GNG7: variants seen among roughly 807,000 people sequenced by gnomAD.
The protein encoded by GNG7 is G protein subunit gamma 7, also known as guanine nucleotide-binding protein G(I)/G(S)/G(O) subunit gamma-7.
GNG7 carries 1 observed loss-of-function variant against 4.0 expected under a neutral mutation model. The observed-to-expected ratio is 0.25, with a 90% CI of 0.09 to 1.18. The LOEUF (loss-of-function observed/expected upper bound fraction) is 1.18, where lower values mean the gene tolerates loss of function less well. Among genes scored for constraint, GNG7 ranks in the 50% most tolerant of loss-of-function variants. GNG7 has a pLI of 0.50. For missense variants in GNG7, 86 were observed against 91.9 expected (o/e 0.94, Z 0.26); for synonymous variants, 34 against 36.9 (o/e 0.92, Z 0.29).
chr19:2,516,347 C>G (rs1972734840), intron 4 of GNG7, among the ~76,000 whole-genome samples: 1 of 152,006 alleles, frequency 6.6e-6, no homozygotes, highest in Non-Finnish European at 1.5e-5. Flanking sequence ...GCCTCAGCCT[C>G]CTGAGTAGCT....
chr19:2,580,480 G>A lies in GNG7; in HGVS notation c.-77-25292C>T, dbSNP rs527874129. 3.2e-3 allele frequency among the ~76,000 whole-genome samples: 476 copies of A among 150,748 alleles called. 1 individual carries two copies. Among genetic ancestry groups the A allele is most frequent in the Admixed American group, 4.1e-3 (62 of 15,146 alleles). ...TAATTTTTGTATTTTTAGTAGAGAC[G>A]AGGTTTTGCCATGTTAGCCAGGCTG... On this transcript the variant is annotated intron_variant, in intron 2 of 4. Transcript: ENST00000382159.
At chr19:2,575,920 GAC>G (rs1244747128) in intron 2 of GNG7, among the ~76,000 whole-genome samples, 7 of 139,042 alleles carry the variant, frequency 5.0e-5, no homozygotes, top group Non-Finnish European at 7.6e-5. Context: ...GGCATACACA[GAC>G]ACACAGGCAC....
At chr19:2,543,871 A>C (rs1406472153) in intron 3 of GNG7, among the ~76,000 whole-genome samples, 1 of 152,188 alleles carries the variant, frequency 6.6e-6, no homozygotes, top group Non-Finnish European at 1.5e-5. Flanking sequence ...GCCGGCCTGC[A>C]GCAGCAACGT....
chr19:2,701,753 C>T (rs1913405496), intron 1 of GNG7, among the ~76,000 whole-genome samples: 1 of 151,464 alleles, frequency 6.6e-6, no homozygotes, highest in Non-Finnish European at 1.5e-5. Context: ...CTCCCAGCTC[C>T]CTCTTCAAAG....
chr19:2,543,015 T>A (rs547044135), intron 3 of GNG7, among the ~76,000 whole-genome samples: 1 of 147,774 alleles, frequency 6.8e-6, no homozygotes, highest in South Asian at 2.2e-4. Context: ...CAGGTTCAAG[T>A]GATTCTCCTG....
At chr19:2,548,380 C>G (rs1049256073) in intron 3 of GNG7, among the ~76,000 whole-genome samples, 2 of 148,790 alleles carry the variant, frequency 1.3e-5, no homozygotes, top group Non-Finnish European at 3.0e-5. Flanking sequence ...ACTCGGGAGG[C>G]TAAGGCAGGA....
intron 1 of GNG7, among the ~76,000 whole-genome samples, chr19:2,698,012 A>G (rs907821663): frequency 1.3e-5 from 2 of 151,910 alleles, no homozygotes; most frequent in South Asian, 4.2e-4. Context: ...CATGCTTATA[A>G]TCCCAGCACT....
chr19:2,563,281 C>G (rs1468837237), intron 2 of GNG7, among the ~76,000 whole-genome samples: 2 of 152,006 alleles, frequency 1.3e-5, no homozygotes, highest in African/African-American at 4.8e-5. Flanking sequence ...CAGGTCTCTC[C>G]CGTTCTGTAC....
rs964140958 is a variant in GNG7, at chr19:2,546,439, C to T, written c.-38+8710G>A. ...GGGCCGTGGGGCCCAGGGCTGCGGG[C>T]GGGAGGGCCTCTGCCACATGGAAGG... On this transcript the variant is annotated intron_variant, in intron 3 of 4. Coordinates refer to ENST00000382159, the MANE Select transcript of GNG7 (RefSeq NM_052847.3). This position sits in a 1 kb window ranked among gnomAD's most constrained non-coding sequence, Gnocchi z 6.3. Among the ~76,000 whole-genome samples the T allele has an allele frequency of 3.3e-5, 5 of 152,198 alleles. No homozygotes were observed. The highest frequency in any genetic ancestry group is 4.4e-5 in the Non-Finnish European group (3 of 68,022).
chr19:2,698,635 G>T (rs987699876), intron 1 of GNG7, among the ~76,000 whole-genome samples: 1 of 151,896 alleles, frequency 6.6e-6, no homozygotes, highest in Non-Finnish European at 1.5e-5. Flanking sequence ...GACCAGGCAC[G>T]ACCTTCCTGT....
intron 3 of GNG7, among the ~76,000 whole-genome samples, chr19:2,536,956 T>A (rs1486731697): frequency 6.6e-6 from 1 of 150,942 alleles, no homozygotes; most frequent in African/African-American, 2.4e-5. Context: ...ATTTTTATTT[T>A]TTTTTTTTGA....
At chr19:2,670,027 A>G (rs1420593202) in intron 1 of GNG7, among the ~76,000 whole-genome samples, 9 of 150,992 alleles carry the variant, frequency 6.0e-5, no homozygotes. Context: ...AAAAAAAAAG[A>G]AAGAAAAAGA....
intron 1 of GNG7, among the ~76,000 whole-genome samples, chr19:2,695,297 G>A (rs903850382): frequency 6.6e-6 from 1 of 151,532 alleles, no homozygotes; most frequent in African/African-American, 2.4e-5. Context: ...CCCCCTGGAC[G>A]ACTTCTTATC....
intron 2 of GNG7, among the ~76,000 whole-genome samples, chr19:2,573,188 A>G (rs1019941939): frequency 1.3e-5 from 2 of 149,896 alleles, no homozygotes; most frequent in African/African-American, 4.9e-5. Flanking sequence ...CACCCGGCTA[A>G]TTTTTTGTAT....
intron 2 of GNG7, among the ~76,000 whole-genome samples, chr19:2,583,485 C>T (rs1469272249): frequency 5.9e-5 from 9 of 152,170 alleles, no homozygotes; most frequent in Admixed American, 3.9e-4. Context: ...CAGCTTTGCC[C>T]GCCCCAGCCC....
At chr19:2,565,460 C>T (rs964146840) in intron 2 of GNG7, among the ~76,000 whole-genome samples, 5 of 150,414 alleles carry the variant, frequency 3.3e-5, no homozygotes, top group African/African-American at 4.9e-5. Context: ...TGCAGTGAGC[C>T]GAGATCGTGC....
At chr19:2,550,591 G>GACCCA in intron 3 of GNG7, among the ~76,000 whole-genome samples, 1 of 152,282 alleles carries the variant, frequency 6.6e-6, no homozygotes, top group Non-Finnish European at 1.5e-5. Context: ...GAGTGACCAT[G>GACCCA]GCCCTGCTGG....
chr19:2,538,650 G>A (rs777597791), intron 3 of GNG7: 31 of 445,554 alleles, frequency 7.0e-5, no homozygotes, highest in Non-Finnish European at 1.3e-4. Context: ...ACAATAGAAA[G>A]GCATGCATAT....
At chr19:2,598,181 G>A (rs990049301) in intron 2 of GNG7, among the ~76,000 whole-genome samples, 2 of 152,246 alleles carry the variant, frequency 1.3e-5, no homozygotes, top group South Asian at 2.1e-4. Context: ...TACTACAGAG[G>A]AGGAAGCAAC....
Sources: gnomAD v4.1 joint callset for allele counts (sites outside exome capture counted in the v4.1 genomes callset) on GRCh38, gnomAD v4.1.1 for gene constraint, Gnocchi (gnomAD v3.1) non-coding constraint, MANE v1.5 for transcripts, NCBI Gene and HGNC (gene_info 2026-07-23, HGNC 2026-07-21) for gene names.